Variants in CCR9 observed in about 807,000 individuals in gnomAD.
The protein encoded by CCR9 is C-C motif chemokine receptor 9.
CCR9 carries 4 observed loss-of-function variants against 8.7 expected under a neutral mutation model. The ratio of observed to expected loss-of-function variants is 0.46; its 90% CI spans 0.23 to 1.06. The LOEUF (loss-of-function observed/expected upper bound fraction) is 1.06, where lower values mean the gene tolerates loss of function less well. Among genes scored for constraint, CCR9 ranks in the 50% least tolerant of loss-of-function variants. CCR9 has a pLI of 0.21. For missense variants in CCR9, 394 were observed against 453.6 expected (o/e 0.87, Z 1.19); for synonymous variants, 159 against 168.8 (o/e 0.94, Z 0.45).
rs1228496543 is a variant in CCR9, at chr3:45,903,095, T to C, written c.*1197T>C. 6.0e-6 allele frequency: 1 copy of C among 167,142 alleles called. No individual in the cohort carries two copies. Among genetic ancestry groups the C allele is most frequent in the Non-Finnish European group, 1.5e-5 (1 of 68,126 alleles). 10.4% of individuals were successfully genotyped at this position (167,142 alleles called of 1,614,324 possible). A position where few individuals can be genotyped will look rare whatever the true frequency, so the allele number is the denominator to read the frequency against. On this transcript the variant is annotated 3_prime_UTR_variant, in exon 3 of 3. Coordinates refer to ENST00000357632, the MANE Select transcript of CCR9 (RefSeq NM_031200.3). ...GGAAAAGTGCTTTTTAATGTGTATA[T>C]GAAGCATTAATTACTTGTCACTTTC...
chr3:45,895,956 G>A (rs1003297147), intron 2 of CCR9, among the ~76,000 whole-genome samples: 1 of 152,186 alleles, frequency 6.6e-6, no homozygotes, highest in African/African-American at 2.4e-5. Context: ...CTGCCTCACA[G>A]TACATTGTGG....
intron 1 of CCR9, among the ~76,000 whole-genome samples, chr3:45,893,254 A>G (rs2125747377): frequency 6.6e-6 from 1 of 151,974 alleles, no homozygotes; most frequent in East Asian, 1.9e-4. Context: ...TCCCAGGTTC[A>G]AGTGATCCTC....
At chr3:45,896,023 T>C (rs1431846926) in intron 2 of CCR9, among the ~76,000 whole-genome samples, 1 of 152,232 alleles carries the variant, frequency 6.6e-6, no homozygotes, top group Non-Finnish European at 1.5e-5. Context: ...AAATTATTTA[T>C]GATATGCTAA....
intron 1 of CCR9, among the ~76,000 whole-genome samples, chr3:45,887,312 T>G (rs1268423866): frequency 1.3e-5 from 2 of 152,012 alleles, no homozygotes; most frequent in Non-Finnish European, 2.9e-5. Flanking sequence ...AAAGGAAGTA[T>G]CTCAGAAACT....
intron 2 of CCR9, among the ~76,000 whole-genome samples, chr3:45,899,256 A>G (rs958204301): frequency 4.6e-5 from 7 of 152,260 alleles, no homozygotes; most frequent in Non-Finnish European, 8.8e-5. Context: ...TCAAAGAAGG[A>G]ATATGCAAAG....
Position 45,902,878 on chromosome 3 carries a change from C to T in CCR9, c.*980C>T, listed in dbSNP as rs200562705. On this transcript the variant is annotated 3_prime_UTR_variant, in exon 3 of 3. Transcript: ENST00000357632. ...AGCCAGGTAGGGCAAAGGGGTGAAG[C>T]GCAGGCCTTGCTGGAAGGCTATTTA... 1.8e-5 allele frequency: 3 copies of T among 167,026 alleles called. No homozygotes were observed. Among genetic ancestry groups the T allele is most frequent in the African/African-American group, 2.4e-5 (1 of 41,416 alleles). The allele number at this position is 167,026 out of a possible 1,614,324, so 10.3% of individuals were successfully genotyped here.
intron 1 of CCR9, 80 bp from the exon 2 acceptor site, chr3:45,894,826 T>C (rs1269982616): frequency 8.3e-6 from 8 of 966,038 alleles, no homozygotes; most frequent in African/African-American, 1.6e-5. Flanking sequence ...ATTTAAAATT[T>C]AATCTCCATC....
At chr3:45,895,778 C>T (rs190217618) in intron 2 of CCR9, among the ~76,000 whole-genome samples, 13 of 151,406 alleles carry the variant, frequency 8.6e-5, no homozygotes, top group African/African-American at 1.5e-4. Flanking sequence ...CTTTTACAGC[C>T]GAATGTAATT....
intron 2 of CCR9, among the ~76,000 whole-genome samples, chr3:45,895,411 G>C (rs1702321645): frequency 6.6e-6 from 1 of 152,168 alleles, no homozygotes; most frequent in Non-Finnish European, 1.5e-5. Context: ...CAAGAGCTGA[G>C]CAAAAATTAG....
chr3:45,898,789 A>C (rs994751058), intron 2 of CCR9, among the ~76,000 whole-genome samples: 3 of 152,236 alleles, frequency 2.0e-5, no homozygotes, highest in African/African-American at 7.2e-5. Context: ...TGTTCCAATA[A>C]ATTTAGAAAA....
At chr3:45,888,260 T>A (rs534473530) in intron 1 of CCR9, among the ~76,000 whole-genome samples, 47 of 152,320 alleles carry the variant, frequency 3.1e-4, no homozygotes, top group African/African-American at 1.1e-3. Context: ...TGGAGCAATG[T>A]TCCCTCCCCT....
At chr3:45,892,216 CTAATT>C (rs1186769148) in intron 1 of CCR9, among the ~76,000 whole-genome samples, 1 of 152,108 alleles carries the variant, frequency 6.6e-6, no homozygotes, top group Non-Finnish European at 1.5e-5. Context: ...ATCTATCTAT[CTAATT>C]TAATCTTAAA....
At chr3:45,896,689 G>A (rs754533069) in intron 2 of CCR9, among the ~76,000 whole-genome samples, 11 of 152,170 alleles carry the variant, frequency 7.2e-5, no homozygotes, top group Admixed American at 5.2e-4. Flanking sequence ...TCTCAATGTT[G>A]GGATTTAATA....
chr3:45,896,420 A>T (rs551888939), intron 2 of CCR9, among the ~76,000 whole-genome samples: 1 of 152,206 alleles, frequency 6.6e-6, no homozygotes, highest in Non-Finnish European at 1.5e-5. Flanking sequence ...TATTCCATGG[A>T]AAGTAGCCGT....
At chr3:45,894,267 C>T (rs1216155832) in intron 1 of CCR9, among the ~76,000 whole-genome samples, 3 of 152,214 alleles carry the variant, frequency 2.0e-5, no homozygotes, top group Admixed American at 1.3e-4. Flanking sequence ...CTAGGACTTC[C>T]TTTTCCTGCT....
chr3:45,895,124 G>C, intron 2 of CCR9, 170 bp downstream of exon 2: 2 of 703,650 alleles, frequency 2.8e-6, no homozygotes, highest in Non-Finnish European at 5.0e-6. Context: ...CAGCACAGAG[G>C]GTTTTGCAAA....
chr3:45,889,671 T>C (rs1702087230), intron 1 of CCR9, among the ~76,000 whole-genome samples: 1 of 151,930 alleles, frequency 6.6e-6, no homozygotes, highest in Admixed American at 6.6e-5. Context: ...AGCAGTGCAG[T>C]GTATGTCTTT....
intron 2 of CCR9, among the ~76,000 whole-genome samples, chr3:45,897,139 G>A (rs1301931845): frequency 1.3e-5 from 2 of 152,168 alleles, no homozygotes. Context: ...CCCTGGCTGT[G>A]CACTGAGGTT....
rs1169490157 is a variant in CCR9 at position 45,901,189 on chromosome 3, T to C, written c.401T>C (p.Val134Ala). ...TACAAGATGAACTTCTACAGCTGTG[T>C]GTTGCTGATCATGTGCATCAGCGTG... is the stretch of plus-strand genomic sequence containing the variant. ...SMYKMNFYSC[V>A]LLIMCISVDR... Residue 134 changes from valine to alanine, a missense_variant, in exon 3 of 3, where the codon GTG (valine) becomes GCG (alanine). Transcript: ENST00000357632. The surrounding 1 kb of genome is among the most constrained non-coding windows in gnomAD (Gnocchi z 4.3). 4 of 1,614,174 alleles carry C rather than the reference T, an allele frequency of 2.5e-6. No homozygotes were observed. Among genetic ancestry groups the C allele is most frequent in the Non-Finnish European group, 3.4e-6 (4 of 1,180,022 alleles).
Sources: gnomAD v4.1 joint callset for allele counts (sites outside exome capture counted in the v4.1 genomes callset) on GRCh38, gnomAD v4.1.1 for gene constraint, Gnocchi (gnomAD v3.1) non-coding constraint, MANE v1.5 for transcripts, NCBI Gene and HGNC (gene_info 2026-07-23, HGNC 2026-07-21) for gene names.